PDZD7: variants seen among roughly 807,000 people sequenced by gnomAD.
The protein encoded by PDZD7 is PDZ domain containing 7.
In PDZD7, 72 loss-of-function variants were observed where a neutral mutation model predicts 84.7. That is an observed-to-expected ratio of 0.85 (90% CI 0.70 to 1.03). The LOEUF (loss-of-function observed/expected upper bound fraction) is 1.03. Ranked by LOEUF, PDZD7 falls within the 50% of genes least tolerant of loss-of-function variation. The pLI is 0.00. For synonymous variants in PDZD7, 594 were observed against 580.7 expected (o/e 1.02, Z -0.33); for missense variants, 1,490 against 1,412.9 (o/e 1.05, Z -0.87).
chr10:101,028,591 C>A (rs1372501112), intron 2 of PDZD7, among the ~76,000 whole-genome samples: 3 of 143,810 alleles, frequency 2.1e-5, no homozygotes, highest in South Asian at 2.4e-4. Context: ...AGAGCAAGAC[C>A]CTTTCCCTCT....
chr10:101,030,494 G>GC (rs1590082243), intron 1 of PDZD7, 110 bp from the exon 2 acceptor site: 4 of 605,960 alleles, frequency 6.6e-6, no homozygotes, highest in East Asian at 5.8e-5. Context: ...CATGCCTTAG[G>GC]CCCCCCTCCT....
At chr10:101,022,099 A>T in intron 5 of PDZD7, 110 bp downstream of exon 5, 1 of 1,561,380 alleles carries the variant, frequency 6.4e-7, no homozygotes, top group Non-Finnish European at 8.8e-7. Context: ...TCACTGAGAC[A>T]GGTGGTTGGC....
Position 101,018,142 on chromosome 10 carries a change from G to A in PDZD7, c.1479C>T (p.Ser493=), listed in dbSNP as rs1410250580. The stretch of plus-strand genomic sequence containing the variant: ...GAGGGTAAGTTTTGGCCAGGCTCCC[G>A]CTGTCCAGTGTCCAGGCCTCTCTGC... ...DGRREAWTLD[S]GSLAKTYPRL... Residue 493 remains serine (S), a synonymous_variant, in exon 9 of 17, where the codon AGC becomes AGT. Transcript: ENST00000619208. The A allele has an allele frequency of 6.2e-7, 1 of 1,614,200 alleles. No individual in the cohort carries two copies. Among genetic ancestry groups the A allele is most frequent in the Non-Finnish European group, 8.5e-7 (1 of 1,180,042 alleles).
In PDZD7 at chr10:101,007,832, A is replaced by T. The variant is rs2133989577; in HGVS notation, c.*635T>A. On this transcript the variant is annotated 3_prime_UTR_variant, in exon 17 of 17. Transcript: ENST00000619208. ...ATTAAAAAAAATTTTTTTGTTTAAA[A>T]ATAATGTGAATGTGCTGGATAAAGA... 5.0e-6 allele frequency: 1 copy of T among 199,666 alleles called. No individual in the cohort carries two copies. The highest frequency in any genetic ancestry group is 1.5e-4 in the South Asian group (1 of 6,540). 12.4% of individuals were successfully genotyped at this position (199,666 alleles called of 1,614,324 possible). A position where few individuals can be genotyped will look rare whatever the true frequency, so the allele number is the denominator to read the frequency against.
At position 101,018,843 on chromosome 10, in the gene PDZD7, G is replaced by T; in HGVS notation, c.1303C>A (p.Gln435Lys). Residue 435 changes from glutamine to lysine, a missense_variant, in exon 8 of 17, where the codon CAG becomes AAG. By Grantham distance (53) the Gln-to-Lys change is moderately conservative. Transcript: ENST00000619208. ...GTACCCCACAAGGTCAGATAGCTCT[G>T]GGAGCGCGTGATGGGGGGCCGGGGT... Reference protein sequence around the residue: ...SRPRPPITRSQSYLTLWEEKQ... With the variant: ...SRPRPPITRSKSYLTLWEEKQ... 1 of 1,602,896 alleles carries T rather than the reference G, an allele frequency of 6.2e-7. No homozygotes were observed. The highest frequency in any genetic ancestry group is 1.3e-5 in the African/African-American group (1 of 74,950).
chr10:101,026,288 C>T (rs986964883), intron 2 of PDZD7, among the ~76,000 whole-genome samples: 2 of 152,098 alleles, frequency 1.3e-5, no homozygotes, highest in African/African-American at 4.8e-5. Context: ...GCATGTGCCA[C>T]CATGCCGGGC....
chr10:101,014,147 C>T (rs1852503503), intron 11 of PDZD7, among the ~76,000 whole-genome samples: 2 of 152,008 alleles, frequency 1.3e-5, no homozygotes, highest in Non-Finnish European at 2.9e-5. Context: ...GCGTGAGCCA[C>T]CGTGCCTGGC....
chr10:101,025,593 G>A (rs1420003185), intron 2 of PDZD7, among the ~76,000 whole-genome samples: 1 of 149,318 alleles, frequency 6.7e-6, no homozygotes, highest in Non-Finnish European at 1.5e-5. Context: ...TGTCGCCCAG[G>A]CTGGACTGCA....
Position 101,015,557 on chromosome 10 carries a change from T to C in PDZD7, c.1749+79A>G. The C allele has an allele frequency of 2.7e-6, 4 of 1,490,540 alleles. No individual in the cohort carries two copies. The South Asian group carries it at 4.0e-5, about 15-fold the overall frequency. 92.3% of individuals were successfully genotyped at this position (1,490,540 alleles called of 1,614,324 possible). A position where few individuals can be genotyped will look rare whatever the true frequency, so the allele number is the denominator to read the frequency against. On this transcript the variant is annotated intron_variant, in intron 11 of 16. Coordinates refer to ENST00000619208, the MANE Select transcript of PDZD7 (RefSeq NM_001195263.2). The stretch of plus-strand genomic sequence containing the variant: ...GGTGTCAAGCCCAGACACTGGTCAG[T>C]GGACAGTGGCCTGAATGAATGATGG...
rs1363915140 is a variant in PDZD7 at position 101,021,778 on chromosome 10, A to T, written c.867+20T>A. ...CCCTACTCTAGCCTCACCTCTCCCT[A>T]CCCCCACTGTTCTGCCCACCTTGAT... On this transcript the variant is annotated intron_variant, in intron 6 of 16. Coordinates refer to ENST00000619208, the MANE Select transcript of PDZD7 (RefSeq NM_001195263.2). 6.2e-7 allele frequency: 1 copy of T among 1,613,430 alleles called. No homozygotes were observed. The highest frequency in any genetic ancestry group is 1.3e-5 in the African/African-American group (1 of 74,660).
Position 101,021,720 on chromosome 10 carries a change from A to T in PDZD7, c.867+78T>A, listed in dbSNP as rs1391058352. ...GCTGTGGGAACGTCATAAATTGCAG[A>T]GCATTATTAAGAACTAGGGTGGTCT... On this transcript the variant is annotated intron_variant, in intron 6 of 16. Transcript: ENST00000619208. 6 of 1,595,352 alleles carry T rather than the reference A, an allele frequency of 3.8e-6. No homozygotes were observed. The Admixed American group carries it at 1.0e-4, about 27-fold the overall frequency.
chr10:101,026,004 C>G (rs1937676110), intron 2 of PDZD7, among the ~76,000 whole-genome samples: 1 of 152,176 alleles, frequency 6.6e-6, no homozygotes, highest in Admixed American at 6.5e-5. Flanking sequence ...CTAGGAACTA[C>G]CTGGCTACAA....
intron 15 of PDZD7, among the ~76,000 whole-genome samples, chr10:101,009,986 T>C (rs1378713384): frequency 6.6e-6 from 1 of 152,112 alleles, no homozygotes; most frequent in Non-Finnish European, 1.5e-5. Flanking sequence ...CTCCGCCTCC[T>C]GGGTTCAAGT....
chr10:101,011,063 T>TTATC (rs1441852335), intron 14 of PDZD7, 180 bp from the exon 15 acceptor site: 12 of 1,433,166 alleles, frequency 8.4e-6, no homozygotes, highest in Non-Finnish European at 1.0e-5. Context: ...ATTTATTTAT[T>TTATC]TGAGATGGAA....
intron 7 of PDZD7, among the ~76,000 whole-genome samples, chr10:101,019,815 G>A (rs1214633060): frequency 1.3e-5 from 2 of 151,572 alleles, no homozygotes; most frequent in African/African-American, 2.4e-5. Flanking sequence ...TAGTAGAGAC[G>A]GGGTTTCATC....
rs564150396 is a variant in PDZD7 at position 101,010,558 on chromosome 10, A to G, written c.2331T>C (p.Arg777=). The G allele has an allele frequency of 8.3e-5, 120 of 1,440,940 alleles. 1 individual carries two copies. The highest frequency in any genetic ancestry group is 3.6e-4 in the Middle Eastern group (2 of 5,548). The allele number at this position is 1,440,940 out of a possible 1,614,324, so 89.3% of individuals were successfully genotyped here. A position where few individuals can be genotyped will look rare whatever the true frequency, so the allele number is the denominator to read the frequency against. Residue 777 remains arginine, a synonymous_variant, in exon 15 of 17, where the codon CGT becomes CGC. Coordinates refer to ENST00000619208, the MANE Select transcript of PDZD7 (RefSeq NM_001195263.2). The part of the protein sequence containing the change: ...RGRAQSRSRS[R]SRSRSRSSRG... Reference sequence around the variant, plus strand: ...GGCTGCTGCGGCTGCGGCTGCGGCTACGGCTGCGGCTACGGCTCTGAGCCC... The same window carrying G: ...GGCTGCTGCGGCTGCGGCTGCGGCTGCGGCTGCGGCTACGGCTCTGAGCCC...
At chr10:101,017,424 G>T (rs1481614177) in intron 9 of PDZD7, 14 of 460,180 alleles carry the variant, frequency 3.0e-5, no homozygotes, top group Non-Finnish European at 4.6e-5. Context: ...ACAGGGTCTT[G>T]CTATGTTGCC....
At chr10:101,021,670 A>C in intron 6 of PDZD7, 128 bp downstream of exon 6, 1 of 1,418,304 alleles carries the variant, frequency 7.1e-7, no homozygotes, top group South Asian at 1.2e-5. Flanking sequence ...CAGGGATGAG[A>C]ACAATGCCTG....
chr10:101,030,086 C>A lies in PDZD7; in HGVS notation c.134G>T (p.Arg45Met). The change falls in exon 2 of 17, where the codon AGG becomes ATG. Residue 45 changes from arginine to methionine, a missense_variant. Physicochemically the swap from Arg to Met is moderately conservative, Grantham distance 91. Coordinates refer to ENST00000619208, the MANE Select transcript of PDZD7 (RefSeq NM_001195263.2). ...SGSTATRYLL[R>M]KQQRLLNGPP... ...CCCGTTCAGCAGCCGTTGTTGCTTC[C>A]TTAGCAGGTATCGCGTTGCGGTGGA... 1 of 1,614,236 alleles carries A rather than the reference C, an allele frequency of 6.2e-7. No individual in the cohort carries two copies. The highest frequency in any genetic ancestry group is 1.1e-5 in the South Asian group (1 of 91,090).
Sources: allele counts gnomAD v4.1 joint callset (sites outside exome capture counted in the v4.1 genomes callset), GRCh38; gene constraint gnomAD v4.1.1; transcripts MANE v1.5; gene names NCBI Gene and HGNC (gene_info 2026-07-23, HGNC 2026-07-21).